Variants in EPHB4 observed in about 807,000 individuals in gnomAD.
EPHB4 encodes the protein ephrin type-B receptor 4.
In EPHB4, 50 loss-of-function variants were observed where a neutral mutation model predicts 110.6. The observed-to-expected ratio is 0.45, with a 90% CI of 0.36 to 0.57. The LOEUF (loss-of-function observed/expected upper bound fraction) is 0.57, where lower values mean the gene tolerates loss of function less well. Ranked by LOEUF, EPHB4 falls within the 20% of genes least tolerant of loss-of-function variation. The probability of loss-of-function intolerance (pLI) is 0.00; values close to 1 mark genes in which losing one functional copy is unlikely to be tolerated. For synonymous variants in EPHB4, 592 were observed against 578.4 expected (o/e 1.02, Z -0.34); for missense variants, 1,128 against 1,382.1 (o/e 0.82, Z 2.91).
chr7:100,826,850 C>G, intron 1 of EPHB4, 129 bp downstream of exon 1: 1 of 975,542 alleles, frequency 1.0e-6, no homozygotes, highest in Non-Finnish European at 1.4e-6. Flanking sequence ...CACTATCGGT[C>G]CGAAGTGTTT....
At chr7:100,813,286 C>T in intron 10 of EPHB4, 78 bp from the exon 11 acceptor site, 1 of 1,138,300 alleles carries the variant, frequency 8.8e-7, no homozygotes, top group Non-Finnish European at 1.2e-6. Context: ...AGCTTTTAGC[C>T]CCAAACCCCT....
At position 100,805,465 on chromosome 7, in the gene EPHB4, G is replaced by A. The variant is rs1402410895; in HGVS notation, c.2678+36C>T. On this transcript the variant is annotated intron_variant, in intron 15 of 16. Transcript: ENST00000358173. ...CTTCTGGGCAAGGAGTGGGGGCAGA[G>A]AGCGGGAAGGAGGGCCCATTCTCTG... 4 of 1,530,800 alleles carry A rather than the reference G, an allele frequency of 2.6e-6. No homozygotes were observed. In the South Asian group the frequency reaches 3.9e-5, roughly 15 times the overall value. 94.8% of individuals were successfully genotyped at this position (1,530,800 alleles called of 1,614,324 possible).
At chr7:100,815,484 C>A (rs943499868) in intron 8 of EPHB4, among the ~76,000 whole-genome samples, 1 of 152,164 alleles carries the variant, frequency 6.6e-6, no homozygotes, top group South Asian at 2.1e-4. Context: ...ACTAAGGCAA[C>A]AGAAAGATCT....
intron 16 of EPHB4, 151 bp downstream of exon 16, chr7:100,805,015 C>T (rs1812785027): frequency 2.7e-6 from 3 of 1,108,700 alleles, no homozygotes; most frequent in Non-Finnish European, 3.8e-6. Flanking sequence ...TGTGACTGCT[C>T]CTCTGGGGCC....
chr7:100,806,821 C>A (rs2116417667), intron 13 of EPHB4, among the ~76,000 whole-genome samples: 1 of 152,246 alleles, frequency 6.6e-6, no homozygotes, highest in East Asian at 1.9e-4. Flanking sequence ...CAGGCGTGTA[C>A]CACCACCCTC....
In EPHB4 at chr7:100,805,642, G is replaced by A; in HGVS notation, c.2537C>T (p.Pro846Leu). 6.5e-7 allele frequency: 1 copy of A among 1,549,198 alleles called. No homozygotes were observed. The highest frequency in any genetic ancestry group is 8.7e-7 in the Non-Finnish European group (1 of 1,150,552). ...CAGCATGAGCTGGTGGAGGGAGGTG[G>A]GACAGTCTGGGGGCGGGGGCAGCCG... The part of the protein sequence containing the change: ...DYRLPPPPDC[P>L]TSLHQLMLDC... Residue 846 changes from proline to leucine, a missense_variant, in exon 15 of 17, where the codon CCC (proline) becomes CTC (leucine). Around this residue, in one of 3 missense-constraint regions of EPHB4, gnomAD observed 209 missense variants for 240.5 expected, o/e 0.87. Coordinates refer to ENST00000358173, the MANE Select transcript of EPHB4 (RefSeq NM_004444.5).
At position 100,813,226 on chromosome 7, in the gene EPHB4, G is replaced by T. The variant is rs541177722; in HGVS notation, c.1757-18C>A. 4 of 1,590,500 alleles carry T rather than the reference G, an allele frequency of 2.5e-6. No individual in the cohort carries two copies. The African/African-American group carries it at 5.4e-5, about 21-fold the overall frequency. ...CTTAGTACCTGAGAAATCAGGCAGG[G>T]CCCCGTCAGCTGGGAATTAACTCCC... On this transcript the variant is annotated intron_variant, in intron 10 of 16. Coordinates refer to ENST00000358173, the MANE Select transcript of EPHB4 (RefSeq NM_004444.5).
intron 2 of EPHB4, 70 bp from the exon 3 acceptor site, chr7:100,824,001 T>G: frequency 6.6e-7 from 1 of 1,516,436 alleles, no homozygotes; most frequent in Non-Finnish European, 8.8e-7. Context: ...GGGTGAATCC[T>G]ATAAAGTGAG....
chr7:100,820,291 C>G lies in EPHB4; in HGVS notation c.814G>C (p.Ala272Pro). Residue 272 changes from alanine (A) to proline (P), a missense_variant, in exon 5 of 17, where the codon GCC becomes CCC. This residue lies in a region of EPHB4 where 728 missense variants were observed against 828.6 expected (regional missense o/e 0.88). Coordinates refer to ENST00000358173, the MANE Select transcript of EPHB4 (RefSeq NM_004444.5). ...GACAGGGGCTTGAAGGTGCCCTGGG[C>G]ACAGGCTGAGAGAGAGAAAGCATTC... ...AEGNTKCRAC[A>P]QGTFKPLSGE... 1 of 1,613,644 alleles carries G rather than the reference C, an allele frequency of 6.2e-7. No individual in the cohort carries two copies. Among genetic ancestry groups the G allele is most frequent in the South Asian group, 1.1e-5 (1 of 91,048 alleles).
At chr7:100,813,245 A>G in intron 10 of EPHB4, 37 bp from the exon 11 acceptor site, 1 of 1,550,380 alleles carries the variant, frequency 6.5e-7, no homozygotes, top group Non-Finnish European at 8.8e-7. Flanking sequence ...GCTGGGAATT[A>G]ACTCCCACTG....
At chr7:100,804,162 A>G (rs1372239503) in intron 16 of EPHB4, among the ~76,000 whole-genome samples, 2 of 151,666 alleles carry the variant, frequency 1.3e-5, no homozygotes, top group Non-Finnish European at 2.9e-5. Context: ...ATGCCCAGCT[A>G]ATTTTTTTGT....
rs765819602 is a variant in EPHB4 at position 100,820,170 on chromosome 7, C to G, written c.935G>C (p.Arg312Pro). ...GCAGGGTGCACCCCGGGGGTCTGTG[C>G]GTGCCCGGAAGTACCCGACGCGGCA... is the stretch of plus-strand genomic sequence containing the variant. ...CQCRVGYFRA[R>P]TDPRGAPCTT... Residue 312 changes from arginine (R) to proline (P), a missense_variant, in exon 5 of 17, where the codon CGC (arginine) becomes CCC (proline). This residue lies in a region of EPHB4 where 728 missense variants were observed against 828.6 expected (regional missense o/e 0.88). Coordinates refer to ENST00000358173, the MANE Select transcript of EPHB4 (RefSeq NM_004444.5). 2 of 1,613,850 alleles carry G rather than the reference C, an allele frequency of 1.2e-6. No homozygotes were observed. The highest frequency in any genetic ancestry group is 1.7e-6 in the Non-Finnish European group (2 of 1,180,008).
At chr7:100,809,713 C>T (rs1812888690) in intron 12 of EPHB4, among the ~76,000 whole-genome samples, 1 of 152,164 alleles carries the variant, frequency 6.6e-6, no homozygotes, top group Non-Finnish European at 1.5e-5. Context: ...GGGGTTTCAC[C>T]ATGTTGCCCA....
chr7:100,826,952 T>C (rs765951664), intron 1 of EPHB4, 27 bp downstream of exon 1: 1 of 1,507,764 alleles, frequency 6.6e-7, no homozygotes, highest in Non-Finnish European at 8.9e-7. Flanking sequence ...AGTGACGGGG[T>C]GCGCCCCCCC....
intron 12 of EPHB4, among the ~76,000 whole-genome samples, chr7:100,807,888 C>T (rs754342138): frequency 5.3e-5 from 8 of 152,130 alleles, no homozygotes; most frequent in African/African-American, 1.2e-4. Flanking sequence ...CTGGGTCTCC[C>T]AAAGCACTGG....
chr7:100,806,381 A>G, intron 14 of EPHB4, 39 bp downstream of exon 14: 1 of 1,583,548 alleles, frequency 6.3e-7, no homozygotes, highest in Non-Finnish European at 8.6e-7. Flanking sequence ...AGGTGAGAGA[A>G]CACTCGAGGA....
chr7:100,807,330 A>T, intron 13 of EPHB4, 35 bp downstream of exon 13: 1 of 1,605,918 alleles, frequency 6.2e-7, no homozygotes, highest in Non-Finnish European at 8.5e-7. Context: ...ACCTGGCCCT[A>T]AGAAGCTCAC....
Position 100,818,622 on chromosome 7 carries a change from G to T in EPHB4, c.1320C>A (p.Ile440=). ...DREVPPAVSD[I]RVTRSSPSSL... ...TGCTGGGTGAGGACCGCGTCACCCG[G>T]ATGTCAGACACTGCAGGAGGTACTG... is the stretch of plus-strand genomic sequence containing the variant. Residue 440 remains isoleucine, a synonymous_variant, in exon 7 of 17, where the codon ATC becomes ATA. Coordinates refer to ENST00000358173, the MANE Select transcript of EPHB4 (RefSeq NM_004444.5). 6.2e-7 allele frequency: 1 copy of T among 1,612,176 alleles called. No homozygotes were observed.
intron 8 of EPHB4, among the ~76,000 whole-genome samples, chr7:100,816,229 C>G (rs1480014702): frequency 6.6e-6 from 1 of 152,064 alleles, no homozygotes; most frequent in Admixed American, 6.6e-5. Flanking sequence ...TAACCTGTTA[C>G]CTCCAATCCT....
Sources: allele counts gnomAD v4.1 joint callset (sites outside exome capture counted in the v4.1 genomes callset), GRCh38; gene constraint gnomAD v4.1.1; regional missense constraint gnomAD v4.1.1; transcripts MANE v1.5; gene names NCBI Gene and HGNC (gene_info 2026-07-23, HGNC 2026-07-21).